XG: variants seen among roughly 807,000 people sequenced by gnomAD.
The protein encoded by XG is Xg glycoprotein (Xg blood group), also known as glycoprotein Xg.
XG carries 24 observed loss-of-function variants against 25.7 expected under a neutral mutation model. The observed-to-expected ratio is 0.93, with a 90% CI of 0.68 to 1.31. The LOEUF is 1.31. Ranked by LOEUF, XG falls within the 40% of genes most tolerant of loss-of-function variation. XG has a pLI of 0.00. For synonymous variants in XG, 77 were observed against 69.2 expected (o/e 1.11, Z -0.56); for missense variants, 181 against 187.6 (o/e 0.96, Z 0.21).
chrX:2,760,945 A>T (rs1429421159), intron 1 of XG, among the ~76,000 whole-genome samples: 1 of 152,082 alleles, frequency 6.6e-6, no homozygotes, highest in Non-Finnish European at 1.5e-5. Context: ...CCACACCTTG[A>T]TCTCAGACTT....
chrX:2,763,510 C>G (rs311126), intron 1 of XG, among the ~76,000 whole-genome samples: 101,514 of 150,162 alleles, frequency 0.68, 35,746 homozygotes, highest in East Asian at 0.9. Context: ...GGTGAGGGGA[C>G]GTGCTGGAGG....
chrX:2,794,652 G>A (rs1268442617), intron 6 of XG, 49 bp downstream of exon 6: 1 of 1,179,477 alleles, frequency 8.5e-7, no homozygotes, highest in African/African-American at 1.8e-5. Flanking sequence ...TGCACAGAGA[G>A]GGTGGGATGA....
chrX:2,765,959 C>T (rs1029679559), intron 1 of XG, among the ~76,000 whole-genome samples: 8 of 152,200 alleles, frequency 5.3e-5, no homozygotes, highest in Admixed American at 2.0e-4. Flanking sequence ...TGTGTATACA[C>T]GGGAGCATTC....
Position 2,782,142 on chromosome X carries a change from G to A in XG, c.190+14G>A. 8.3e-7 allele frequency: 1 copy of A among 1,209,244 alleles called. No individual in the cohort carries two copies. On this transcript the variant is annotated intron_variant, in intron 4 of 10. Transcript: ENST00000644266. ...ACAGCGGTGGAAGTAAGAATCCGCA[G>A]GCCTGAAACTCTTTCTCAATCTGGT...
intron 7 of XG, among the ~76,000 whole-genome samples, chrX:2,798,788 G>A (rs1020267773): frequency 2.7e-5 from 3 of 111,300 alleles, no homozygotes; most frequent in African/African-American, 9.8e-5. Flanking sequence ...TTACAGACGT[G>A]AGCCACCATG....
At chrX:2,765,324 C>T (rs2050657476) in intron 1 of XG, among the ~76,000 whole-genome samples, 1 of 150,654 alleles carries the variant, frequency 6.6e-6, no homozygotes, top group Non-Finnish European at 1.5e-5. Flanking sequence ...GCACTGCAGC[C>T]TGGGCAACAT....
Position 2,815,629 on chromosome X carries a change from T to C in XG, c.*1249T>C, listed in dbSNP as rs1312186910. The C allele has an allele frequency of 9.0e-6, 1 of 111,243 alleles. No individual in the cohort carries two copies. The highest frequency in any genetic ancestry group is 1.9e-5 in the Non-Finnish European group (1 of 53,045). The allele number at this position is 111,243 out of a possible 1,213,427, so 9.2% of individuals were successfully genotyped here. On this transcript the variant is annotated 3_prime_UTR_variant, in exon 11 of 11. Coordinates refer to ENST00000644266, the MANE Select transcript of XG (RefSeq NM_001141919.2). The stretch of plus-strand genomic sequence containing the variant: ...TGGATTCATGCATCATTTGTGCAGT[T>C]TGAAGATAGTCCATATTTCCTATTT...
At chrX:2,769,826 G>C (rs908996463) in intron 1 of XG, among the ~76,000 whole-genome samples, 10 of 152,202 alleles carry the variant, frequency 6.6e-5, no homozygotes, top group African/African-American at 2.4e-4. Context: ...GTATTTGTCA[G>C]TGTAGGCTAG....
chrX:2,793,872 G>A (rs1455268267), intron 5 of XG, among the ~76,000 whole-genome samples: 1 of 111,537 alleles, frequency 9.0e-6, no homozygotes, highest in African/African-American at 3.3e-5. Flanking sequence ...TGATGGAGAA[G>A]CCTGGGGGAG....
intron 3 of XG, among the ~76,000 whole-genome samples, chrX:2,776,002 TCCCGGG>T (rs1229181299): frequency 2.7e-5 from 4 of 147,282 alleles, no homozygotes; most frequent in Admixed American, 2.7e-4. Flanking sequence ...AAGAAATAAT[TCCCGGG>T]GCCGGGCGCA....
intron 1 of XG, among the ~76,000 whole-genome samples, chrX:2,766,286 A>T (rs761495844): frequency 6.6e-6 from 1 of 151,776 alleles, no homozygotes; most frequent in African/African-American, 2.4e-5. Context: ...GATTACAGGC[A>T]CGCACCACCA....
At chrX:2,800,881 C>T (rs1284330479) in intron 7 of XG, among the ~76,000 whole-genome samples, 2 of 103,975 alleles carry the variant, frequency 1.9e-5, no homozygotes, top group Admixed American at 1.1e-4. Context: ...CCCAGCTACT[C>T]GGGAGGTGTA....
rs768637571 is a variant in XG at position 2,801,925 on chromosome X, T to C, written c.373+4565T>C. On this transcript the variant is annotated intron_variant, in intron 7 of 10. Coordinates refer to ENST00000644266, the MANE Select transcript of XG (RefSeq NM_001141919.2). ...GGTTTCACCGTGTTAGCCAGGATGATCTCGATCTCCTGACCTCGTGATCCG... is the reference window on the plus strand; with the variant it reads ...GGTTTCACCGTGTTAGCCAGGATGACCTCGATCTCCTGACCTCGTGATCCG... Among the ~76,000 whole-genome samples the C allele has an allele frequency of 1.5e-4, 17 of 110,342 alleles. No individual in the cohort carries two copies. In the South Asian group the frequency reaches 5.4e-3, roughly 35 times the overall value.
chrX:2,763,906 C>T (rs865973398), intron 1 of XG, among the ~76,000 whole-genome samples: 1 of 152,086 alleles, frequency 6.6e-6, no homozygotes, highest in Non-Finnish European at 1.5e-5. Context: ...GGGAGGTGTT[C>T]GAACCAGGGC....
At chrX:2,782,455 C>T (rs1320400910) in intron 4 of XG, among the ~76,000 whole-genome samples, 2 of 111,542 alleles carry the variant, frequency 1.8e-5, no homozygotes, top group Admixed American at 1.9e-4. Flanking sequence ...AGAGCCGGCT[C>T]TAAGGGAGGC....
chrX:2,802,696 G>A (rs747964831), intron 7 of XG, among the ~76,000 whole-genome samples: 16 of 110,083 alleles, frequency 1.5e-4, no homozygotes, highest in Non-Finnish European at 3.0e-4. Flanking sequence ...TCTCAATGAA[G>A]GGTTTAAAAA....
intron 6 of XG, among the ~76,000 whole-genome samples, chrX:2,796,468 A>ATATGTG (rs1555894183): frequency 2.1e-5 from 2 of 95,992 alleles, no homozygotes; most frequent in Admixed American, 2.4e-4. Context: ...ATTTAGGTAT[A>ATATGTG]TGTGTGTGTG....
In XG at chrX:2,815,430, T is replaced by C. The variant is rs1255753503; in HGVS notation, c.*1050T>C. On this transcript the variant is annotated 3_prime_UTR_variant, in exon 11 of 11. Coordinates refer to ENST00000644266, the MANE Select transcript of XG (RefSeq NM_001141919.2). ...CAAGACATTCATGTACAGTCTGGAA[T>C]GTATATATGGGGCCCATAAAAATTC... The C allele has an allele frequency of 8.9e-6, 1 of 111,874 alleles. No homozygotes were observed. The highest frequency in any genetic ancestry group is 3.2e-5 in the African/African-American group (1 of 30,804). The allele number at this position is 111,874 out of a possible 1,213,427, so 9.2% of individuals were successfully genotyped here. A position where few individuals can be genotyped will look rare whatever the true frequency, so the allele number is the denominator to read the frequency against.
intron 9 of XG, among the ~76,000 whole-genome samples, chrX:2,809,588 A>C (rs1390008932): frequency 1.8e-5 from 2 of 111,717 alleles, no homozygotes; most frequent in Non-Finnish European, 3.8e-5. Flanking sequence ...GTCACAAAAA[A>C]CCCCAAAACT....
Sources: allele counts gnomAD v4.1 joint callset (sites outside exome capture counted in the v4.1 genomes callset), GRCh38; gene constraint gnomAD v4.1.1; transcripts MANE v1.5; gene names NCBI Gene and HGNC (gene_info 2026-07-23, HGNC 2026-07-21).